Variants in PARVB observed in about 807,000 individuals in gnomAD.
PARVB encodes parvin beta, also known as beta-parvin.
A neutral mutation model predicts 47.0 loss-of-function variants in PARVB; 46 were observed. The ratio of observed to expected loss-of-function variants is 0.98; its 90% CI spans 0.77 to 1.25. The LOEUF (loss-of-function observed/expected upper bound fraction) is 1.25, where lower values mean the gene tolerates loss of function less well. Ranked by LOEUF, PARVB falls within the 50% of genes most tolerant of loss-of-function variation. The pLI is 0.00. For missense variants in PARVB, 473 were observed against 471.6 expected, an observed-to-expected ratio of 1.00 and a Z score of -0.03; for synonymous variants, 196 against 196.3, an observed-to-expected ratio of 1.00 and a Z score of 0.01.
chr22:44,005,630 C>T (rs749297617), intron 2 of PARVB, among the ~76,000 whole-genome samples: 3 of 152,060 alleles, frequency 2.0e-5, no homozygotes, highest in Non-Finnish European at 4.4e-5. Flanking sequence ...GAAAACCCCA[C>T]CTCTCCACAC....
chr22:44,067,883 A>T (rs371065620), intron 1 of PARVB, among the ~76,000 whole-genome samples: 1 of 152,136 alleles, frequency 6.6e-6, no homozygotes, highest in Non-Finnish European at 1.5e-5. Flanking sequence ...TTGACTCTGG[A>T]TGAAGCTTGG....
chr22:44,056,644 G>A (rs573405181), intron 1 of PARVB, among the ~76,000 whole-genome samples: 10 of 151,972 alleles, frequency 6.6e-5, no homozygotes, highest in African/African-American at 1.9e-4. Context: ...TAGCTGGGAC[G>A]ACAGGCGTGC....
At chr22:44,119,732 C>G in intron 4 of PARVB, 1 of 514,952 alleles carries the variant, frequency 1.9e-6, no homozygotes, top group South Asian at 1.5e-5. Flanking sequence ...AGACGTGGTC[C>G]CTGTCCTCAG....
chr22:44,063,351 T>C (rs1183383021), intron 1 of PARVB, among the ~76,000 whole-genome samples: 1 of 151,896 alleles, frequency 6.6e-6, no homozygotes, highest in East Asian at 1.9e-4. Flanking sequence ...CTCAGCCTCC[T>C]GAGTAGCTGG....
intron 1 of PARVB, among the ~76,000 whole-genome samples, chr22:44,027,629 G>A (rs1003892444): frequency 1.3e-5 from 2 of 152,158 alleles, no homozygotes; most frequent in Non-Finnish European, 2.9e-5. Context: ...CAGGTGAGGT[G>A]GCTCACGCCT....
chr22:44,079,653 T>C (rs2051855241), intron 1 of PARVB, among the ~76,000 whole-genome samples: 4 of 152,138 alleles, frequency 2.6e-5, no homozygotes, highest in Non-Finnish European at 2.9e-5. Flanking sequence ...CATCCAGTTG[T>C]TTTTGCACAT....
At position 44,168,584 on chromosome 22, in the gene PARVB, C is replaced by A. The variant is rs772419104; in HGVS notation, c.1019-18C>A. The A allele has an allele frequency of 5.7e-5, 91 of 1,589,442 alleles. 1 individual carries two copies. Among genetic ancestry groups the A allele is most frequent in the Non-Finnish European group, 6.0e-6 (7 of 1,157,840 alleles). On this transcript the variant is annotated intron_variant, in intron 12 of 12. Transcript: ENST00000338758. ...GGAGGATGGCACGCCTCTGAAGTTT[C>A]TCTGTTTCCTTCTGCAGACGTGGTT...
chr22:44,058,986 G>C lies in PARVB; in HGVS notation c.112+34535G>C, dbSNP rs73181213. 3.5e-3 allele frequency among the ~76,000 whole-genome samples: 537 copies of C among 151,700 alleles called. 3 individuals carry two copies. The highest frequency in any genetic ancestry group is 5.2e-3 in the Non-Finnish European group (353 of 67,988). ...TTCATAGATGAGGGTGTGATGGGGG[G>C]GGGAAACAGAAGCAGAGTTGATTGT... On this transcript the variant is annotated intron_variant, in intron 1 of 12. Transcript: ENST00000338758.
upstream of PARVB, among the ~76,000 whole-genome samples, chr22:44,022,735 T>G (rs1472581071): frequency 1.5e-5 from 2 of 134,144 alleles, no homozygotes; most frequent in East Asian, 4.0e-4. Context: ...TACTTCTTTT[T>G]TTTTATTTTT....
At chr22:44,110,734 G>A (rs2052678197) in intron 3 of PARVB, 1 of 152,092 alleles carries the variant, frequency 6.6e-6, no homozygotes. Flanking sequence ...CGAGTAGCTG[G>A]AATTACAGGC....
chr22:44,131,057 C>CTCCCTCCCTCCCTCCCTCCCTCCCTCCA, intron 4 of PARVB, among the ~76,000 whole-genome samples: 1 of 137,934 alleles, frequency 7.2e-6, no homozygotes, highest in Non-Finnish European at 1.6e-5. Context: ...CCCTCCCTCC[C>CTCCCTCCCTCCCTCCCTCCCTCCCTCCA]TCCCTCCCTC....
intron 2 of PARVB, among the ~76,000 whole-genome samples, chr22:44,003,450 G>A (rs1205704922): frequency 6.6e-6 from 1 of 152,162 alleles, no homozygotes; most frequent in Admixed American, 6.5e-5. Flanking sequence ...CAAGTGGAAT[G>A]GAATTTCCTG....
chr22:44,007,442 C>T (rs1041883760), intron 2 of PARVB, among the ~76,000 whole-genome samples: 29 of 152,176 alleles, frequency 1.9e-4, no homozygotes, highest in Non-Finnish European at 3.1e-4. Flanking sequence ...TATTCTCTTT[C>T]CCAAGGTCGG....
At chr22:44,044,227 G>A (rs1195038536) in intron 1 of PARVB, among the ~76,000 whole-genome samples, 1 of 143,380 alleles carries the variant, frequency 7.0e-6, no homozygotes, top group Admixed American at 7.2e-5. Flanking sequence ...GTCTCGCTCT[G>A]TTGTCAAGGC....
intron 2 of PARVB, among the ~76,000 whole-genome samples, chr22:44,001,727 G>C (rs1249050763): frequency 6.6e-6 from 1 of 152,178 alleles, no homozygotes; most frequent in Non-Finnish European, 1.5e-5. Flanking sequence ...GCAAACACTT[G>C]AAGCTCACTT....
At chr22:44,054,072 C>A (rs932381046) in intron 1 of PARVB, among the ~76,000 whole-genome samples, 2 of 152,164 alleles carry the variant, frequency 1.3e-5, no homozygotes, top group Non-Finnish European at 2.9e-5. Context: ...CCCTGCAAGA[C>A]CTATCTGTGC....
intron 3 of PARVB, chr22:44,108,146 T>C: frequency 6.6e-6 from 1 of 152,436 alleles, no homozygotes; most frequent in Non-Finnish European, 1.5e-5. Context: ...AGTACTGGGA[T>C]TACAGGCATG....
chr22:44,054,990 CAAAAAAA>C (rs3083343), intron 1 of PARVB, among the ~76,000 whole-genome samples: 1 of 70,098 alleles, frequency 1.4e-5, no homozygotes, highest in African/African-American at 6.0e-5. Context: ...AACTCCATCT[CAAAAAAA>C]AAAAAAAAAA....
chr22:44,035,059 C>T (rs189741978), intron 1 of PARVB, among the ~76,000 whole-genome samples: 1 of 152,250 alleles, frequency 6.6e-6, no homozygotes, highest in East Asian at 1.9e-4. Flanking sequence ...TGATAGCCTG[C>T]TGTTGACTGG....
Sources: gnomAD v4.1 joint callset for allele counts (sites outside exome capture counted in the v4.1 genomes callset) on GRCh38, gnomAD v4.1.1 for gene constraint, MANE v1.5 for transcripts, NCBI Gene and HGNC (gene_info 2026-07-23, HGNC 2026-07-21) for gene names.